The following KCNH7 variants were observed in gnomAD, a reference collection of about 807,000 sequenced individuals.
KCNH7 encodes the protein potassium voltage-gated channel subfamily H member 7.
KCNH7 carries 49 observed loss-of-function variants against 120.8 expected under a neutral mutation model. The observed-to-expected ratio is 0.41, with a 90% CI of 0.32 to 0.51. The LOEUF is 0.51. Ranked by LOEUF, KCNH7 falls within the 20% of genes least tolerant of loss-of-function variation. KCNH7 has a pLI of 0.38. For missense variants in KCNH7, 1,097 were observed against 1,446.6 expected, an observed-to-expected ratio of 0.76 and a Z score of 3.92; for synonymous variants, 547 against 516.1, an observed-to-expected ratio of 1.06 and a Z score of -0.81.
intron 2 of KCNH7, among the ~76,000 whole-genome samples, chr2:162,670,389 G>C (rs1464593648): frequency 7.2e-6 from 1 of 139,062 alleles, no homozygotes; most frequent in Non-Finnish European, 1.5e-5. Flanking sequence ...CAAGAGAGTC[G>C]CTTAAACCCG....
At chr2:162,752,933 G>A (rs990196735) in intron 2 of KCNH7, among the ~76,000 whole-genome samples, 4 of 84,720 alleles carry the variant, frequency 4.7e-5, no homozygotes, top group Admixed American at 2.4e-4. Flanking sequence ...GAAAAGAAAA[G>A]AAAAGAAAAG....
intron 10 of KCNH7, among the ~76,000 whole-genome samples, 184 bp downstream of exon 10, chr2:162,400,005 A>C (rs1687025980): frequency 6.6e-6 from 1 of 151,966 alleles, no homozygotes; most frequent in Non-Finnish European, 1.5e-5. Flanking sequence ...GAGACAGTTA[A>C]GAAAACATAT....
intron 6 of KCNH7, among the ~76,000 whole-genome samples, chr2:162,491,285 GTTTA>G (rs1690295580): frequency 6.6e-6 from 1 of 152,186 alleles, no homozygotes; most frequent in African/African-American, 2.4e-5. Flanking sequence ...CACTTAAACT[GTTTA>G]TTTTTCTTTT....
At chr2:162,457,331 G>C (rs914781411) in intron 6 of KCNH7, among the ~76,000 whole-genome samples, 1 of 151,922 alleles carries the variant, frequency 6.6e-6, no homozygotes, top group African/African-American at 2.4e-5. Flanking sequence ...TTAAGAGAGA[G>C]AGAAAAAAAT....
chr2:162,420,132 T>C (rs1350070187), intron 9 of KCNH7, among the ~76,000 whole-genome samples: 1 of 152,154 alleles, frequency 6.6e-6, no homozygotes, highest in East Asian at 1.9e-4. Context: ...ATCCCAGCAC[T>C]TTGGGAGGCC....
chr2:162,723,523 G>A (rs1270462604), intron 2 of KCNH7, among the ~76,000 whole-genome samples: 2 of 152,180 alleles, frequency 1.3e-5, no homozygotes, highest in African/African-American at 2.4e-5. Context: ...AAGGCAGGGG[G>A]CTACCATATT....
At chr2:162,649,945 G>T (rs1033691383) in intron 2 of KCNH7, among the ~76,000 whole-genome samples, 1 of 151,984 alleles carries the variant, frequency 6.6e-6, no homozygotes, top group Non-Finnish European at 1.5e-5. Context: ...TAATATATTG[G>T]GCCATTAGGT....
At chr2:162,806,231 C>A (rs1413929875) in intron 2 of KCNH7, among the ~76,000 whole-genome samples, 1 of 151,722 alleles carries the variant, frequency 6.6e-6, no homozygotes, top group South Asian at 2.1e-4. Flanking sequence ...CAAAAGCTAT[C>A]GAAATTTTAA....
chr2:162,428,427 T>C (rs2105503610), intron 8 of KCNH7, among the ~76,000 whole-genome samples: 1 of 151,726 alleles, frequency 6.6e-6, no homozygotes, highest in East Asian at 1.9e-4. Flanking sequence ...ATTTTCAAAT[T>C]TATTGAGACT....
chr2:162,669,021 G>C (rs916613115), intron 2 of KCNH7, among the ~76,000 whole-genome samples: 1 of 152,098 alleles, frequency 6.6e-6, no homozygotes, highest in African/African-American at 2.4e-5. Flanking sequence ...TAACGAAAAG[G>C]CAGCCTTGAT....
rs1553497413 is a variant in KCNH7, at chr2:162,577,291, G to GTCTATCTGTCTATCTA, written c.308-40212_308-40211insTAGATAGACAGATAGA. ...AAAGCATTAACAGATAGATCTATCT[G>GTCTATCTGTCTATCTA]TCTATCTATCTATCTATCTATCTAT... On this transcript the variant is annotated intron_variant, in intron 2 of 15. Transcript: ENST00000332142. Among the ~76,000 whole-genome samples, 197 of 127,380 alleles carry GTCTATCTGTCTATCTA rather than the reference G, an allele frequency of 1.5e-3. 1 individual carries two copies. Among genetic ancestry groups the GTCTATCTGTCTATCTA allele is most frequent in the African/African-American group, 5.4e-3 (185 of 34,300 alleles). The allele number at this position is 127,380 out of a possible 152,430, so 83.6% of individuals were successfully genotyped here.
intron 2 of KCNH7, among the ~76,000 whole-genome samples, chr2:162,624,661 T>C (rs1040766739): frequency 9.9e-5 from 15 of 152,118 alleles, no homozygotes; most frequent in Admixed American, 7.9e-4. Context: ...CTATATCATC[T>C]GCGATTTTAT....
intron 7 of KCNH7, among the ~76,000 whole-genome samples, chr2:162,444,007 C>A (rs900573358): frequency 5.3e-5 from 8 of 152,314 alleles, no homozygotes; most frequent in Admixed American, 2.0e-4. Context: ...TGCTTCCTAT[C>A]AAGTCTCAAC....
At chr2:162,501,176 T>C (rs1374227697) in intron 6 of KCNH7, among the ~76,000 whole-genome samples, 1 of 152,068 alleles carries the variant, frequency 6.6e-6, no homozygotes, top group Non-Finnish European at 1.5e-5. Flanking sequence ...ATGCCTTTTT[T>C]CCCAGTTTCT....
intron 2 of KCNH7, among the ~76,000 whole-genome samples, chr2:162,745,436 A>G (rs1406033523): frequency 6.6e-6 from 1 of 152,200 alleles, no homozygotes; most frequent in Non-Finnish European, 1.5e-5. Context: ...GACAAAGAAC[A>G]TTACATAGAG....
chr2:162,603,750 A>T (rs1433008750), intron 2 of KCNH7, among the ~76,000 whole-genome samples: 1 of 152,118 alleles, frequency 6.6e-6, no homozygotes, highest in Non-Finnish European at 1.5e-5. Flanking sequence ...TCCATTTTAT[A>T]TGTGATATGT....
At chr2:162,540,648 T>C (rs1014445884) in intron 2 of KCNH7, among the ~76,000 whole-genome samples, 1 of 151,760 alleles carries the variant, frequency 6.6e-6, no homozygotes. Context: ...CAGGGCAAGG[T>C]GGGGAGAGTA....
chr2:162,828,982 C>T (rs533327474), intron 2 of KCNH7, among the ~76,000 whole-genome samples: 3 of 152,194 alleles, frequency 2.0e-5, no homozygotes, highest in Admixed American at 6.5e-5. Flanking sequence ...TCATAGAAGA[C>T]GCCTCAGCCA....
At chr2:162,804,468 T>C (rs1295457497) in intron 2 of KCNH7, among the ~76,000 whole-genome samples, 2 of 151,750 alleles carry the variant, frequency 1.3e-5, no homozygotes, top group African/African-American at 4.8e-5. Flanking sequence ...GAACTTAATC[T>C]CTTTTACGAT....
Sources: allele counts gnomAD v4.1 joint callset (sites outside exome capture counted in the v4.1 genomes callset), GRCh38; gene constraint gnomAD v4.1.1; transcripts MANE v1.5; gene names NCBI Gene and HGNC (gene_info 2026-07-23, HGNC 2026-07-21).